The following NUP188 variants were observed in gnomAD, a reference collection of about 807,000 sequenced individuals.
NUP188 encodes the protein nucleoporin NUP188.
NUP188 carries 97 observed loss-of-function variants against 223.0 expected under a neutral mutation model. The ratio of observed to expected loss-of-function variants is 0.43; its 90% CI spans 0.37 to 0.51. The LOEUF is 0.51. Ranked by LOEUF, NUP188 falls within the 20% of genes least tolerant of loss-of-function variation. The pLI, the probability that NUP188 is intolerant of heterozygous loss-of-function variation, is 0.00. For synonymous variants in NUP188, 869 were observed against 828.0 expected (o/e 1.05, Z -0.85); for missense variants, 1,947 against 2,175.6 (o/e 0.89, Z 2.09).
chr9:128,958,252 C>T lies in NUP188; in HGVS notation c.372+198C>T, dbSNP rs913618106. Among the ~76,000 whole-genome samples, 17 of 152,306 alleles carry T rather than the reference C, an allele frequency of 1.1e-4. No homozygotes were observed. In the East Asian group the frequency reaches 2.7e-3, roughly 24 times the overall value. On this transcript the variant is annotated intron_variant, in intron 6 of 43. Transcript: ENST00000372577. ...TAGAGAAGTTTCTCCCAAGGAGATT[C>T]TTCAGCTACTGGTGGTGAGAACAAG...
At chr9:128,961,590 C>CTAGA (rs547085125) in intron 8 of NUP188, among the ~76,000 whole-genome samples, 6,825 of 138,024 alleles carry the variant, frequency 0.049, 215 homozygotes, top group South Asian at 0.11. Flanking sequence ...ATCTATCTAT[C>CTAGA]TAGATAGATA....
At chr9:128,985,834 T>G (rs1207013922) in intron 20 of NUP188, among the ~76,000 whole-genome samples, 2 of 151,998 alleles carry the variant, frequency 1.3e-5, no homozygotes, top group Non-Finnish European at 1.5e-5. Flanking sequence ...TGATCAGGAG[T>G]TTGAGACCAG....
chr9:129,006,204 C>T, intron 42 of NUP188, 35 bp from the exon 43 acceptor site: 2 of 1,614,134 alleles, frequency 1.2e-6, no homozygotes, highest in Non-Finnish European at 1.7e-6. Context: ...GCCTGGCCCT[C>T]TGCAGCAGTA....
chr9:128,959,961 T>A (rs778223306), intron 8 of NUP188, among the ~76,000 whole-genome samples: 1 of 152,144 alleles, frequency 6.6e-6, no homozygotes, highest in Non-Finnish European at 1.5e-5. Context: ...CTTTCATTTC[T>A]TACCTAAAAT....
intron 24 of NUP188, 77 bp downstream of exon 24, chr9:128,988,263 G>A (rs1842366791): frequency 6.6e-7 from 1 of 1,523,986 alleles, no homozygotes; most frequent in Non-Finnish European, 9.0e-7. Flanking sequence ...ACGTATCTTA[G>A]GCAGTGTTTT....
At chr9:128,996,259 C>T (rs1842524427) in intron 30 of NUP188, among the ~76,000 whole-genome samples, 2 of 151,924 alleles carry the variant, frequency 1.3e-5, no homozygotes, top group South Asian at 4.2e-4. Context: ...AAGGAATTCT[C>T]CTGTCTCAGC....
At chr9:128,975,958 G>C (rs1308399094) in intron 12 of NUP188, among the ~76,000 whole-genome samples, 1 of 152,054 alleles carries the variant, frequency 6.6e-6, no homozygotes. Context: ...GAGTAGCTGG[G>C]ATTACAGGTG....
intron 37 of NUP188, 147 bp downstream of exon 37, chr9:129,003,122 T>C (rs1032548741): frequency 2.3e-5 from 25 of 1,098,650 alleles, no homozygotes; most frequent in Non-Finnish European, 3.2e-5. Flanking sequence ...AGTACTCTGC[T>C]GGCTCACTGG....
intron 25 of NUP188, 43 bp from the exon 26 acceptor site, chr9:128,993,154 G>A (rs1305827139): frequency 6.4e-7 from 1 of 1,553,164 alleles, no homozygotes; most frequent in East Asian, 2.2e-5. Flanking sequence ...TGAGGTTTTT[G>A]TGGAAGCAGA....
chr9:128,986,794 T>G lies in NUP188; in HGVS notation c.2198-15T>G, dbSNP rs779453326. 4 of 1,614,108 alleles carry G rather than the reference T, an allele frequency of 2.5e-6. No homozygotes were observed. The East Asian group carries it at 8.9e-5, about 36-fold the overall frequency. On this transcript the variant is annotated splice_polypyrimidine_tract_variant and intron_variant, in intron 21 of 43. Transcript: ENST00000372577. ...CACAAGGCCACATCATTCCTCTGTC[T>G]TTTCTGGAGTCCAGGTTGCCTGATC...
chr9:128,966,244 CTG>C (rs1245640749), intron 8 of NUP188, among the ~76,000 whole-genome samples: 1 of 132,720 alleles, frequency 7.5e-6, no homozygotes, highest in African/African-American at 2.8e-5. Context: ...ATTTCTGTCT[CTG>C]TCTGTCTCTG....
At position 128,993,270 on chromosome 9, in the gene NUP188, T is replaced by G. The variant is rs775153565; in HGVS notation, c.2714T>G (p.Leu905Trp). 1 of 1,614,178 alleles carries G rather than the reference T, an allele frequency of 6.2e-7. No homozygotes were observed. Among genetic ancestry groups the G allele is most frequent in the East Asian group, 2.2e-5 (1 of 44,884 alleles). ...AAIRDAFLTR[L>W]QSKIEDMRIK... The stretch of plus-strand genomic sequence containing the variant: ...ATTCGTGATGCCTTCCTGACCCGAT[T>G]GCAGAGCAAAATTGAGGACATGCGC... Residue 905 changes from leucine (L) to tryptophan (W), a missense_variant, in exon 26 of 44, where the codon TTG (leucine) becomes TGG (tryptophan). By Grantham distance (61) the Leu-to-Trp change is moderately conservative. Coordinates refer to ENST00000372577, the MANE Select transcript of NUP188 (RefSeq NM_015354.3).
rs570708761 is a variant in NUP188 at position 129,006,809 on chromosome 9, C to T, written c.*131C>T. On this transcript the variant is annotated 3_prime_UTR_variant, in exon 44 of 44. Transcript: ENST00000372577. ...TGTCACCCCCCTCCCGGAGTAGCCA[C>T]GACTCCAGCCACCACCCACTGACGT... 3 of 894,162 alleles carry T rather than the reference C, an allele frequency of 3.4e-6. No individual in the cohort carries two copies. Among genetic ancestry groups the T allele is most frequent in the African/African-American group, 1.7e-5 (1 of 59,058 alleles). The allele number at this position is 894,162 out of a possible 1,614,324, so 55.4% of individuals were successfully genotyped here.
chr9:129,001,344 G>A (rs987147349), intron 34 of NUP188, among the ~76,000 whole-genome samples, 185 bp from the exon 35 acceptor site: 5 of 152,144 alleles, frequency 3.3e-5, no homozygotes, highest in Non-Finnish European at 7.4e-5. Flanking sequence ...AGTTGCTGCT[G>A]TTCATTGAGA....
intron 8 of NUP188, among the ~76,000 whole-genome samples, chr9:128,965,047 A>G (rs1488333435): frequency 6.6e-6 from 1 of 152,172 alleles, no homozygotes; most frequent in African/African-American, 2.4e-5. Flanking sequence ...AGTTTTGTCT[A>G]TTATGGCTCC....
At chr9:128,969,798 T>C (rs1189027787) in intron 10 of NUP188, among the ~76,000 whole-genome samples, 1 of 149,962 alleles carries the variant, frequency 6.7e-6, no homozygotes, top group Non-Finnish European at 1.5e-5. Flanking sequence ...GGATCACAGC[T>C]AATTTTTGTA....
chr9:128,952,963 C>T (rs776092023), intron 3 of NUP188, 117 bp downstream of exon 3: 5 of 817,822 alleles, frequency 6.1e-6, no homozygotes, highest in Non-Finnish European at 7.9e-6. Context: ...AGAGATAATA[C>T]AATTTAGTTT....
At chr9:128,952,336 T>C (rs1471024998) in intron 2 of NUP188, among the ~76,000 whole-genome samples, 1 of 150,662 alleles carries the variant, frequency 6.6e-6, no homozygotes, top group Non-Finnish European at 1.5e-5. Flanking sequence ...GAGGCGGAGG[T>C]TGCAGTGAGC....
intron 3 of NUP188, among the ~76,000 whole-genome samples, chr9:128,954,080 T>G (rs1426429069): frequency 1.3e-5 from 2 of 152,184 alleles, no homozygotes; most frequent in Non-Finnish European, 1.5e-5. Flanking sequence ...TCTGCTCACC[T>G]CGGCCTCCCA....
Sources: allele counts gnomAD v4.1 joint callset (sites outside exome capture counted in the v4.1 genomes callset), GRCh38; gene constraint gnomAD v4.1.1; transcripts MANE v1.5; gene names NCBI Gene and HGNC (gene_info 2026-07-23, HGNC 2026-07-21).